The following WTIP variants were observed in gnomAD, a reference collection of about 807,000 sequenced individuals.
WTIP encodes WT1 interacting protein, also known as Wilms tumor protein 1-interacting protein.
WTIP carries 23 observed loss-of-function variants against 41.7 expected under a neutral mutation model. That is an observed-to-expected ratio of 0.55 (90% CI 0.40 to 0.78). The LOEUF (loss-of-function observed/expected upper bound fraction) is 0.78. Ranked by LOEUF, WTIP falls within the 30% of genes least tolerant of loss-of-function variation. The probability of loss-of-function intolerance (pLI) is 0.00; values close to 1 mark genes in which losing one functional copy is unlikely to be tolerated. For missense variants in WTIP, 619 were observed against 610.5 expected (o/e 1.01, Z -0.15); for synonymous variants, 314 against 269.9 (o/e 1.16, Z -1.60).
At chr19:34,499,361 C>A (rs1052878745) in intron 7 of WTIP, among the ~76,000 whole-genome samples, 49 of 150,736 alleles carry the variant, frequency 3.3e-4, no homozygotes, top group African/African-American at 1.1e-3. Context: ...AAACAAAATT[C>A]ACAGGGCGTG....
At chr19:34,494,453 C>T (rs2075842604) in intron 5 of WTIP, 133 bp from the exon 6 acceptor site, 1 of 811,330 alleles carries the variant, frequency 1.2e-6, no homozygotes, top group Non-Finnish European at 2.1e-6. Flanking sequence ...CCTGTCTGCC[C>T]CGAGGTGTGC....
At chr19:34,483,116 C>G (rs1239094124) in intron 1 of WTIP, among the ~76,000 whole-genome samples, 3 of 149,044 alleles carry the variant, frequency 2.0e-5, no homozygotes, top group African/African-American at 7.4e-5. Context: ...GCGATCCTCT[C>G]GCCTCAGCCT....
At position 34,482,593 on chromosome 19, in the gene WTIP, C is replaced by T. The variant is rs984185684; in HGVS notation, c.619C>T (p.Arg207Trp). Residue 207 changes from arginine (R) to tryptophan (W), a missense_variant, in exon 1 of 8, where the codon CGG (arginine) becomes TGG (tryptophan). Around this residue, in one of 3 missense-constraint regions of WTIP, gnomAD observed 363 missense variants for 309.0 expected, o/e 1.17. Transcript: ENST00000590071. ...AAERRLEALT[R>W]ELERALEART... ...CGAGCGGCGGCTGGAGGCGCTCACCCGGGAGCTGGAGCGGGCGCTCGAGGC... is the reference window on the plus strand; with the variant it reads ...CGAGCGGCGGCTGGAGGCGCTCACCTGGGAGCTGGAGCGGGCGCTCGAGGC... The T allele has an allele frequency of 3.3e-6, 4 of 1,230,332 alleles. No homozygotes were observed. The highest frequency in any genetic ancestry group is 3.1e-5 in the African/African-American group (2 of 64,146). 76.2% of individuals were successfully genotyped at this position (1,230,332 alleles called of 1,614,324 possible). A position where few individuals can be genotyped will look rare whatever the true frequency, so the allele number is the denominator to read the frequency against.
Position 34,482,509 on chromosome 19 carries a change from C to G in WTIP, c.535C>G (p.Pro179Ala). 1 of 1,228,694 alleles carries G rather than the reference C, an allele frequency of 8.1e-7. No individual in the cohort carries two copies. Among genetic ancestry groups the G allele is most frequent in the Non-Finnish European group, 1.0e-6 (1 of 987,332 alleles). 76.1% of individuals were successfully genotyped at this position (1,228,694 alleles called of 1,614,324 possible). Reference protein sequence around the residue: ...ARSPEPAGPAPFPLPALPLPP... With the variant: ...ARSPEPAGPAAFPLPALPLPP... ...CTCCCCGGAGCCTGCGGGGCCGGCT[C>G]CCTTCCCGCTGCCTGCACTCCCGCT... The change falls in exon 1 of 8, where the codon CCC becomes GCC. Residue 179 changes from proline (P) to alanine (A), a missense_variant. Transcript: ENST00000590071.
In WTIP at chr19:34,482,247, C is replaced by T. The variant is rs1231576953; in HGVS notation, c.273C>T (p.Ala91=). The change falls in exon 1 of 8, where the codon GCC becomes GCT. Residue 91 remains alanine, a synonymous_variant. Coordinates refer to ENST00000590071, the MANE Select transcript of WTIP (RefSeq NM_001080436.2). ...CGCAGCCTGCGGGCAGCCCACGGGCCAGCCTGGCGGGGTCCGACGGCGGCG... is the reference window on the plus strand; with the variant it reads ...CGCAGCCTGCGGGCAGCCCACGGGCTAGCCTGGCGGGGTCCGACGGCGGCG... ...LSAQPAGSPR[A]SLAGSDGGGG... 7.2e-6 allele frequency: 9 copies of T among 1,245,446 alleles called. No homozygotes were observed. The East Asian group carries it at 3.6e-4, about 49-fold the overall frequency. The allele number at this position is 1,245,446 out of a possible 1,614,324, so 77.1% of individuals were successfully genotyped here.
rs111788391 is a variant in WTIP at position 34,510,727 on chromosome 19, C to G, written c.*10458C>G. ...TTTTAAACCCAAGTCACCTCTTGAACGCTTTTCTGCTTAGAAATTTCTTCT... is the reference window on the plus strand; with the variant it reads ...TTTTAAACCCAAGTCACCTCTTGAAGGCTTTTCTGCTTAGAAATTTCTTCT... On this transcript the variant is annotated 3_prime_UTR_variant, in exon 8 of 8. Coordinates refer to ENST00000590071, the MANE Select transcript of WTIP (RefSeq NM_001080436.2). 2 of 152,136 alleles carry G rather than the reference C, an allele frequency of 1.3e-5. No individual in the cohort carries two copies. Among genetic ancestry groups the G allele is most frequent in the Admixed American group, 1.3e-4 (2 of 15,262 alleles). The allele number at this position is 152,136 out of a possible 1,614,324, so 9.4% of individuals were successfully genotyped here.
intron 6 of WTIP, among the ~76,000 whole-genome samples, chr19:34,494,869 C>T (rs2075844880): frequency 6.6e-6 from 1 of 152,246 alleles, no homozygotes; most frequent in Non-Finnish European, 1.5e-5. Context: ...TGCCCCACTG[C>T]CAGCCTCTGC....
rs2145621819 is a variant in WTIP at position 34,510,986 on chromosome 19, A to G, written c.*10717A>G. ...TTTCTAGGAGGTTCCAAACTTTCCC[A>G]CATTTTCCTATATTCTTCTGAGCCC... On this transcript the variant is annotated 3_prime_UTR_variant, in exon 8 of 8. Transcript: ENST00000590071. The G allele has an allele frequency of 6.6e-6, 1 of 152,338 alleles. No homozygotes were observed. The highest frequency in any genetic ancestry group is 2.4e-5 in the African/African-American group (1 of 41,558). The allele number at this position is 152,338 out of a possible 1,614,324, so 9.4% of individuals were successfully genotyped here. A position where few individuals can be genotyped will look rare whatever the true frequency, so the allele number is the denominator to read the frequency against.
In WTIP at chr19:34,500,299, T is replaced by C. The variant is rs766668302; in HGVS notation, c.*30T>C. ...GGGAAAACCCGTCCCTGGGCCGGGG[T>C]GGGTGTGGGTGTGGAGGGAGGGCCC... On this transcript the variant is annotated 3_prime_UTR_variant, in exon 8 of 8. Transcript: ENST00000590071. The C allele has an allele frequency of 1.4e-5, 22 of 1,565,960 alleles. No individual in the cohort carries two copies. The Middle Eastern group carries it at 6.8e-4, about 48-fold the overall frequency.
At chr19:34,483,469 C>T (rs1239146699) in intron 1 of WTIP, among the ~76,000 whole-genome samples, 2 of 152,134 alleles carry the variant, frequency 1.3e-5, no homozygotes, top group Non-Finnish European at 2.9e-5. Context: ...CAGGTACCAC[C>T]GGATACCGCC....
At position 34,500,384 on chromosome 19, in the gene WTIP, G is replaced by T; in HGVS notation, c.*115G>T. 1.5e-6 allele frequency: 2 copies of T among 1,348,434 alleles called. No homozygotes were observed. The highest frequency in any genetic ancestry group is 2.0e-6 in the Non-Finnish European group (2 of 1,024,878). The allele number at this position is 1,348,434 out of a possible 1,614,324, so 83.5% of individuals were successfully genotyped here. A position where few individuals can be genotyped will look rare whatever the true frequency, so the allele number is the denominator to read the frequency against. ...CCTCCAATCAGTTTCCCACCGAGCT[G>T]CTGTCTGCAGGGGCCGGACCCCCGC... On this transcript the variant is annotated 3_prime_UTR_variant, in exon 8 of 8. Transcript: ENST00000590071.
In WTIP at chr19:34,509,715, G is replaced by A. The variant is rs2075926274; in HGVS notation, c.*9446G>A. ...CAAGGCAAGGCCCTTCCACCTATGA[G>A]CCTGTAAAATCAAAAGCAAGTTAGT... On this transcript the variant is annotated 3_prime_UTR_variant, in exon 8 of 8. Coordinates refer to ENST00000590071, the MANE Select transcript of WTIP (RefSeq NM_001080436.2). 6.6e-6 allele frequency: 1 copy of A among 152,122 alleles called. No homozygotes were observed. Among genetic ancestry groups the A allele is most frequent in the African/African-American group, 2.4e-5 (1 of 41,424 alleles). 9.4% of individuals were successfully genotyped at this position (152,122 alleles called of 1,614,324 possible).
At chr19:34,500,043 C>A in intron 7 of WTIP, 86 bp from the exon 8 acceptor site, 2 of 1,533,950 alleles carry the variant, frequency 1.3e-6, no homozygotes, top group East Asian at 2.3e-5. Flanking sequence ...CAGATCTGCC[C>A]CTCCCCTCCG....
intron 1 of WTIP, among the ~76,000 whole-genome samples, chr19:34,487,566 TG>T (rs1436519271): frequency 6.6e-6 from 1 of 151,474 alleles, no homozygotes. Context: ...GAGGAAGAGG[TG>T]GGCCACCCGA....
rs569807278 is a variant in WTIP at position 34,492,262 on chromosome 19, G to A, written c.770-775G>A. Among the ~76,000 whole-genome samples the A allele has an allele frequency of 4.7e-5, 7 of 149,738 alleles. No individual in the cohort carries two copies. In the South Asian group the frequency reaches 8.6e-4, roughly 18 times the overall value. ...CAATGAGTAGTGGGACTACAGACAC[G>A]TACCACCACGACTGGCTAATTTTTT... On this transcript the variant is annotated intron_variant, in intron 2 of 7. Coordinates refer to ENST00000590071, the MANE Select transcript of WTIP (RefSeq NM_001080436.2).
intron 1 of WTIP, among the ~76,000 whole-genome samples, chr19:34,485,302 C>T (rs922942860): frequency 6.6e-6 from 1 of 152,014 alleles, no homozygotes; most frequent in African/African-American, 2.4e-5. Context: ...AGGCTTGTCT[C>T]GAGTTTCTGA....
chr19:34,496,677 G>A (rs1412261500), intron 7 of WTIP, among the ~76,000 whole-genome samples: 1 of 151,692 alleles, frequency 6.6e-6, no homozygotes, highest in Non-Finnish European at 1.5e-5. Context: ...TGGGGGGTTG[G>A]GGGTTGGGGG....
chr19:34,499,213 T>TCAAACAACAACAAACG (rs1555736361), intron 7 of WTIP, among the ~76,000 whole-genome samples: 1 of 148,090 alleles, frequency 6.8e-6, no homozygotes, highest in African/African-American at 2.5e-5. Context: ...AGACCCTGTC[T>TCAAACAACAACAAACG]AATAAACAAA....
chr19:34,483,792 C>G (rs2075783135), intron 1 of WTIP, among the ~76,000 whole-genome samples: 1 of 152,110 alleles, frequency 6.6e-6, no homozygotes, highest in South Asian at 2.1e-4. Context: ...CCCAACCCGC[C>G]TTCTGTATTA....
Sources: gnomAD v4.1 joint callset for allele counts (sites outside exome capture counted in the v4.1 genomes callset) on GRCh38, gnomAD v4.1.1 for gene constraint, gnomAD v4.1.1 regional missense constraint, MANE v1.5 for transcripts, NCBI Gene and HGNC (gene_info 2026-07-23, HGNC 2026-07-21) for gene names.